BACH2: variants seen among roughly 807,000 people sequenced by gnomAD.
BACH2 encodes the protein BACH transcriptional regulator 2, also known as transcription regulator protein BACH2.
Under a neutral mutation model 61.8 loss-of-function variants are expected in BACH2, and 5 were observed. The observed-to-expected ratio is 0.08, with a 90% CI of 0.04 to 0.17. The LOEUF (loss-of-function observed/expected upper bound fraction) is 0.17. Ranked by LOEUF, BACH2 falls within the 10% of genes least tolerant of loss-of-function variation. The pLI, the probability that BACH2 is intolerant of heterozygous loss-of-function variation, is 1.00. For synonymous variants in BACH2, 446 were observed against 440.1 expected, an observed-to-expected ratio of 1.01 and a Z score of -0.17; for missense variants, 824 against 1,091.1, an observed-to-expected ratio of 0.76 and a Z score of 3.45.
chr6:90,127,072 T>A (rs1028117716), intron 4 of BACH2, among the ~76,000 whole-genome samples: 7 of 152,202 alleles, frequency 4.6e-5, no homozygotes, highest in African/African-American at 1.7e-4. Context: ...CAAGTGACGC[T>A]CAAAATTAAT....
rs148026530 is a variant in BACH2, at chr6:90,195,011, C to T, written c.-162+11558G>A. Among the ~76,000 whole-genome samples the T allele has an allele frequency of 4.7e-4, 71 of 152,288 alleles. 1 individual carries two copies. Among genetic ancestry groups the T allele is most frequent in the African/African-American group, 1.6e-3 (68 of 41,552 alleles). On this transcript the variant is annotated intron_variant, in intron 4 of 8. Coordinates refer to ENST00000257749, the MANE Select transcript of BACH2 (RefSeq NM_021813.4). ...GTCACAGTAATTCTAATATAAACTA[C>T]ACAATGAAATCTAAAAGAAGAGGGG...
At chr6:90,166,920 G>A (rs997368871) in intron 4 of BACH2, among the ~76,000 whole-genome samples, 1 of 138,488 alleles carries the variant, frequency 7.2e-6, no homozygotes, top group Non-Finnish European at 1.6e-5. Context: ...GTGGGGGGAG[G>A]GGGGAGGAAT....
intron 3 of BACH2, among the ~76,000 whole-genome samples, chr6:90,238,160 G>T: frequency 6.6e-6 from 1 of 152,196 alleles, no homozygotes; most frequent in East Asian, 1.9e-4. Context: ...AAGCTAAAGA[G>T]AATTTTATAA....
intron 6 of BACH2, among the ~76,000 whole-genome samples, chr6:89,978,590 G>A (rs770879134): frequency 1.4e-5 from 2 of 142,818 alleles, no homozygotes; most frequent in Admixed American, 7.2e-5. Context: ...GCTGGGGTGA[G>A]TGCCACTCTG....
At chr6:90,180,860 T>TACACACACACACACAC (rs111933173) in intron 4 of BACH2, among the ~76,000 whole-genome samples, 2 of 147,180 alleles carry the variant, frequency 1.4e-5, no homozygotes, top group South Asian at 2.2e-4. Context: ...TTATGTGTAT[T>TACACACACACACACAC]ACACACACAC....
intron 3 of BACH2, among the ~76,000 whole-genome samples, chr6:90,243,957 T>C (rs777460033): frequency 3.9e-5 from 6 of 152,246 alleles, no homozygotes; most frequent in Non-Finnish European, 8.8e-5. Context: ...AGTCTCGCTC[T>C]GTTGCCCAGG....
At chr6:90,236,933 AT>A (rs575167950) in intron 3 of BACH2, among the ~76,000 whole-genome samples, 14 of 149,362 alleles carry the variant, frequency 9.4e-5, no homozygotes, top group Non-Finnish European at 1.6e-4. Context: ...CAATGTTCTT[AT>A]TTTTTTTTTG....
rs886389571 is a variant in BACH2, at chr6:90,167,368, T to A, written c.-162+39201A>T. On this transcript the variant is annotated intron_variant, in intron 4 of 8. Coordinates refer to ENST00000257749, the MANE Select transcript of BACH2 (RefSeq NM_021813.4). The stretch of plus-strand genomic sequence containing the variant: ...CTACCTCCTTTTTTCTTTTTCTTTT[T>A]TTTTGAGATGGAGTCTCGCTCTTGT... 2.0e-5 allele frequency among the ~76,000 whole-genome samples: 3 copies of A among 152,276 alleles called. No homozygotes were observed. The East Asian group carries it at 5.8e-4, about 30-fold the overall frequency.
At chr6:90,215,800 G>C (rs777928901) in intron 3 of BACH2, among the ~76,000 whole-genome samples, 4 of 152,100 alleles carry the variant, frequency 2.6e-5, no homozygotes, top group African/African-American at 7.2e-5. Flanking sequence ...AGTGCCATTG[G>C]GGGTAGAAAG....
chr6:90,045,942 G>C (rs548923574), intron 5 of BACH2, among the ~76,000 whole-genome samples: 2 of 152,118 alleles, frequency 1.3e-5, no homozygotes, highest in East Asian at 3.9e-4. Flanking sequence ...AGTCTTACAG[G>C]CTTCTCTCCC....
chr6:90,277,986 TATTATC>T (rs1771747467), intron 1 of BACH2, among the ~76,000 whole-genome samples: 1 of 152,226 alleles, frequency 6.6e-6, no homozygotes, highest in South Asian at 2.1e-4. Flanking sequence ...GGCAAGATAA[TATTATC>T]AGTTTTGCCA....
Position 89,950,653 on chromosome 6 carries a change from G to A in BACH2, c.1453C>T (p.Leu485=). The A allele has an allele frequency of 6.2e-7, 1 of 1,614,154 alleles. No homozygotes were observed. Among genetic ancestry groups the A allele is most frequent in the Non-Finnish European group, 8.5e-7 (1 of 1,180,026 alleles). Residue 485 remains leucine (L), a synonymous_variant, in exon 7 of 9, where the codon CTG becomes TTG. Coordinates refer to ENST00000257749, the MANE Select transcript of BACH2 (RefSeq NM_021813.4). This position sits in a 1 kb window ranked among gnomAD's most constrained non-coding sequence, Gnocchi z 5.3. ...PSSQAYSHGG[L]MADHLPGRMR... The stretch of plus-strand genomic sequence containing the variant: ...CTTCCTGGCAAGTGGTCGGCCATCA[G>A]CCCACCGTGGGAGTAGGCCTGCGAG...
At chr6:89,946,565 A>G (rs758812450) in intron 7 of BACH2, among the ~76,000 whole-genome samples, 7 of 152,236 alleles carry the variant, frequency 4.6e-5, no homozygotes, top group Admixed American at 2.0e-4. Context: ...ATGTCTGGTG[A>G]TAAGTGACAG....
At chr6:90,012,531 G>C (rs2127782079) in intron 5 of BACH2, among the ~76,000 whole-genome samples, 1 of 151,840 alleles carries the variant, frequency 6.6e-6, no homozygotes, top group African/African-American at 2.4e-5. Context: ...TTGGGAGGCT[G>C]AGGCAGGAGA....
At chr6:90,022,188 T>G (rs2127785245) in intron 5 of BACH2, among the ~76,000 whole-genome samples, 1 of 152,348 alleles carries the variant, frequency 6.6e-6, no homozygotes, top group East Asian at 1.9e-4. Flanking sequence ...TATTGCTGCT[T>G]GTTTATTCTT....
At chr6:90,179,360 G>A (rs1768081202) in intron 4 of BACH2, among the ~76,000 whole-genome samples, 1 of 152,176 alleles carries the variant, frequency 6.6e-6, no homozygotes, top group Non-Finnish European at 1.5e-5. Context: ...CCTAAAAGGG[G>A]CTGGGGTGCT....
chr6:90,013,430 T>C (rs1366669313), intron 5 of BACH2, among the ~76,000 whole-genome samples: 1 of 151,934 alleles, frequency 6.6e-6, no homozygotes, highest in East Asian at 1.9e-4. Flanking sequence ...GCTGAGGAAG[T>C]TTTATTTCTT....
At chr6:90,163,245 G>A (rs538914820) in intron 4 of BACH2, among the ~76,000 whole-genome samples, 1 of 152,270 alleles carries the variant, frequency 6.6e-6, no homozygotes, top group Non-Finnish European at 1.5e-5. Context: ...CCTCTCTGTA[G>A]CAATTGTTTG....
intron 4 of BACH2, among the ~76,000 whole-genome samples, chr6:90,117,484 C>G (rs1201079160): frequency 8.0e-6 from 1 of 124,596 alleles, no homozygotes; most frequent in Non-Finnish European, 1.6e-5. Flanking sequence ...TTTTGTAATT[C>G]TATAGCATCC....
Sources: gnomAD v4.1 joint callset for allele counts (sites outside exome capture counted in the v4.1 genomes callset) on GRCh38, gnomAD v4.1.1 for gene constraint, Gnocchi (gnomAD v3.1) non-coding constraint, MANE v1.5 for transcripts, NCBI Gene and HGNC (gene_info 2026-07-23, HGNC 2026-07-21) for gene names.